C1QTNF8: variants seen among roughly 807,000 people sequenced by gnomAD.
C1QTNF8 encodes the protein complement C1q tumor necrosis factor-related protein 8.
C1QTNF8 carries 27 observed loss-of-function variants against 19.2 expected under a neutral mutation model. That is an observed-to-expected ratio of 1.41 (90% CI 1.04 to 1.94). The LOEUF is 1.94. Ranked by LOEUF, C1QTNF8 falls within the 30% of genes most tolerant of loss-of-function variation. The pLI, the probability that C1QTNF8 is intolerant of heterozygous loss-of-function variation, is 0.00. For synonymous variants in C1QTNF8, 208 were observed against 172.8 expected, an observed-to-expected ratio of 1.20 and a Z score of -1.60; for missense variants, 484 against 374.4, an observed-to-expected ratio of 1.29 and a Z score of -2.42.
chr16:1,094,963 A>AG (rs1264965955), intron 2 of C1QTNF8, 30 bp from the exon 3 acceptor site: 272 of 1,019,612 alleles, frequency 2.7e-4, no homozygotes, highest in Non-Finnish European at 3.4e-4. Context: ...GGAGGGACTG[A>AG]GAAGGAGGTG....
intron 4 of C1QTNF8, among the ~76,000 whole-genome samples, 174 bp from the exon 5 acceptor site, chr16:1,090,768 C>A (rs999733842): frequency 4.6e-5 from 7 of 152,208 alleles, no homozygotes; most frequent in African/African-American, 1.7e-4. Context: ...CAGGCCTGGC[C>A]CAGTGGTGGG....
At position 1,093,662 on chromosome 16, in the gene C1QTNF8, T is replaced by C. The variant is rs1344402242; in HGVS notation, c.598A>G (p.Ser200Gly). 3 of 1,609,398 alleles carry C rather than the reference T, an allele frequency of 1.9e-6. No individual in the cohort carries two copies. Among genetic ancestry groups the C allele is most frequent in the East Asian group, 4.5e-5 (2 of 44,818 alleles). The change falls in exon 4 of 5, where the codon AGC becomes GGC. Residue 200 changes from serine (S) to glycine (G), a missense_variant. Ser to Gly is a moderately conservative substitution (Grantham distance 56, BLOSUM62 0). Coordinates refer to ENST00000328449, the MANE Select transcript of C1QTNF8 (RefSeq NM_207419.3). ...AVLYAQPSERSVMQAQSLMLL... is the reference protein window; with the variant it reads ...AVLYAQPSERGVMQAQSLMLL... ...ATCAGGCTCTGGGCCTGCATGACGC[T>C]GCGCTCGCTGGGCTGCGCGTAGAGC... is the stretch of plus-strand genomic sequence containing the variant.
At position 1,092,350 on chromosome 16, in the gene C1QTNF8, T is replaced by C. The variant is rs1023538088; in HGVS notation, c.*4+1147A>G. 1.1e-4 allele frequency among the ~76,000 whole-genome samples: 17 copies of C among 150,964 alleles called. 1 individual carries two copies. Among genetic ancestry groups the C allele is most frequent in the African/African-American group, 3.9e-4 (16 of 40,808 alleles). ...ATCAATCCCTGCACACAGTCGGCGC[T>C]CAATCAATCCCTGCACACAGTCGGG... On this transcript the variant is annotated intron_variant, in intron 4 of 4. Coordinates refer to ENST00000328449, the MANE Select transcript of C1QTNF8 (RefSeq NM_207419.3).
chr16:1,093,680 C>T lies in C1QTNF8; in HGVS notation c.580G>A (p.Ala194Thr), dbSNP rs770269306. ...LNRRPAAVLY[A>T]QPSERSVMQA... Reference sequence around the variant, plus strand: ...ATGACGCTGCGCTCGCTGGGCTGCGCGTAGAGCACGGCCGCGGGCCGCCGG... The same window carrying T: ...ATGACGCTGCGCTCGCTGGGCTGCGTGTAGAGCACGGCCGCGGGCCGCCGG... Residue 194 changes from alanine (A) to threonine (T), a missense_variant, in exon 4 of 5, where the codon GCG becomes ACG. By Grantham distance (58) the Ala-to-Thr change is moderately conservative. Transcript: ENST00000328449. 1.2e-6 allele frequency: 2 copies of T among 1,610,680 alleles called. No homozygotes were observed. The highest frequency in any genetic ancestry group is 1.3e-5 in the African/African-American group (1 of 74,978).
At position 1,093,588 on chromosome 16, in the gene C1QTNF8, G is replaced by C; in HGVS notation, c.672C>G (p.Arg224=). The part of the protein sequence containing the change: ...GDAVWVRMFQ[R]DRDNAIYGEH... ...CGCCGTAGATGGCGTTGTCCCGGTC[G>C]CGCTGGAACATGCGCACCCAGACGG... The change falls in exon 4 of 5, where the codon CGC becomes CGG. Residue 224 remains arginine, a synonymous_variant. Transcript: ENST00000328449. 6 of 1,600,654 alleles carry C rather than the reference G, an allele frequency of 3.7e-6. No homozygotes were observed. In the Middle Eastern group the frequency reaches 8.5e-4, roughly 228 times the overall value.
Position 1,089,202 on chromosome 16 carries a change from G to A in C1QTNF8, c.*1397C>T, listed in dbSNP as rs190971273. ...GTCCTCCCTGGCCCTGGGGTGGTCC[G>A]GACCCCTGGCTCCCATCTCCCATCC... On this transcript the variant is annotated 3_prime_UTR_variant, in exon 5 of 5. Transcript: ENST00000328449. 2.1e-3 allele frequency among the ~76,000 whole-genome samples: 323 copies of A among 152,148 alleles called. 2 individuals carry two copies. The highest frequency in any genetic ancestry group is 6.4e-3 in the African/African-American group (267 of 41,502).
In C1QTNF8 at chr16:1,093,590, G is replaced by T. The variant is rs755485111; in HGVS notation, c.670C>A (p.Arg224Ser). 1.2e-6 allele frequency: 2 copies of T among 1,600,718 alleles called. No individual in the cohort carries two copies. Among genetic ancestry groups the T allele is most frequent in the South Asian group, 2.2e-5 (2 of 89,882 alleles). ...CCGTAGATGGCGTTGTCCCGGTCGCGCTGGAACATGCGCACCCAGACGGCG... is the reference window on the plus strand; with the variant it reads ...CCGTAGATGGCGTTGTCCCGGTCGCTCTGGAACATGCGCACCCAGACGGCG... The part of the protein sequence containing the change: ...GDAVWVRMFQ[R>S]DRDNAIYGEH... Residue 224 changes from arginine to serine, a missense_variant, in exon 4 of 5, where the codon CGC (arginine) becomes AGC (serine). By Grantham distance (110) the Arg-to-Ser change is moderately radical. Transcript: ENST00000328449.
rs1298842613 is a variant in C1QTNF8, at chr16:1,096,205, C to G, written c.-235G>C. 6.6e-6 allele frequency: 1 copy of G among 152,420 alleles called. No individual in the cohort carries two copies. The allele number at this position is 152,420 out of a possible 1,614,324, so 9.4% of individuals were successfully genotyped here. ...CCCAGCAACCCAGCCGTCAAAGAGC[C>G]CTTTCATGCCCGCCTGGGCGCCCGT... is the stretch of plus-strand genomic sequence containing the variant. On this transcript the variant is annotated 5_prime_UTR_variant, in exon 1 of 5. Transcript: ENST00000328449.
chr16:1,093,239 T>G (rs1471575348), intron 4 of C1QTNF8, among the ~76,000 whole-genome samples: 1 of 145,186 alleles, frequency 6.9e-6, no homozygotes, highest in East Asian at 2.0e-4. Context: ...CAGCACACAG[T>G]CGGCGCTCAA....
rs886404284 is a variant in C1QTNF8, at chr16:1,088,405, C to T, written c.*2194G>A. On this transcript the variant is annotated 3_prime_UTR_variant, in exon 5 of 5. Transcript: ENST00000328449. ...GATTAAAGCCAGCACGGGCCGACCA[C>T]GGGGGTGCCCGGTGCGGTTCTGATG... Among the ~76,000 whole-genome samples, 2 of 152,162 alleles carry T rather than the reference C, an allele frequency of 1.3e-5. No homozygotes were observed.
chr16:1,091,029 G>A (rs1596242468), intron 4 of C1QTNF8, among the ~76,000 whole-genome samples: 1 of 152,194 alleles, frequency 6.6e-6, no homozygotes, highest in East Asian at 1.9e-4. Context: ...CAGCTGCTCA[G>A]AGATTGGTCA....
At position 1,093,834 on chromosome 16, in the gene C1QTNF8, C is replaced by A; in HGVS notation, c.426G>T (p.Leu142=). 6.2e-7 allele frequency: 1 copy of A among 1,608,262 alleles called. No individual in the cohort carries two copies. The highest frequency in any genetic ancestry group is 8.5e-7 in the Non-Finnish European group (1 of 1,179,396). The change falls in exon 4 of 5, where the codon CTG becomes CTT. Residue 142 remains leucine (L), a synonymous_variant. Coordinates refer to ENST00000328449, the MANE Select transcript of C1QTNF8 (RefSeq NM_207419.3). ...HFQAVPFDTE[L]VNLDGAFDLA... ...GGTCGAAGGCGCCGTCCAGGTTCACCAGCTCCGTGTCGAAGGGCACCGCCT... is the reference window on the plus strand; with the variant it reads ...GGTCGAAGGCGCCGTCCAGGTTCACAAGCTCCGTGTCGAAGGGCACCGCCT...
At chr16:1,092,487 C>T (rs28526595) in intron 4 of C1QTNF8, among the ~76,000 whole-genome samples, 11,909 of 140,842 alleles carry the variant, frequency 0.085, 211 homozygotes, top group African/African-American at 0.24. Flanking sequence ...ACACAGTCGG[C>T]ACTCAACCAA....
intron 4 of C1QTNF8, among the ~76,000 whole-genome samples, chr16:1,091,668 G>C (rs1255750882): frequency 1.3e-5 from 2 of 152,162 alleles, no homozygotes; most frequent in South Asian, 2.1e-4. Context: ...CTAAGCATAA[G>C]GCAACTCCGT....
At chr16:1,090,813 G>A (rs1055376863) in intron 4 of C1QTNF8, among the ~76,000 whole-genome samples, 1 of 152,214 alleles carries the variant, frequency 6.6e-6, no homozygotes, top group African/African-American at 2.4e-5. Flanking sequence ...TCAGGCTGGG[G>A]CCCCACAGCA....
In C1QTNF8 at chr16:1,093,966, G is replaced by A. The variant is rs1960629942; in HGVS notation, c.294C>T (p.Arg98=). Reference sequence around the variant, plus strand: ...GCCCCACCTGCCCCTTCTGGCCTCTGCGGCCCTGCAGGCCCCGGGCGCCTG... The same window carrying A: ...GCCCCACCTGCCCCTTCTGGCCTCTACGGCCCTGCAGGCCCCGGGCGCCTG... ...GPPGARGLQG[R]RGQKGQVGPP... Residue 98 remains arginine (R), a synonymous_variant, in exon 4 of 5, where the codon CGC becomes CGT. Coordinates refer to ENST00000328449, the MANE Select transcript of C1QTNF8 (RefSeq NM_207419.3). 1.3e-6 allele frequency: 2 copies of A among 1,483,140 alleles called. No individual in the cohort carries two copies. The highest frequency in any genetic ancestry group is 1.3e-5 in the South Asian group (1 of 75,300). 91.9% of individuals were successfully genotyped at this position (1,483,140 alleles called of 1,614,324 possible).
At chr16:1,092,361 C>T (rs944079072) in intron 4 of C1QTNF8, among the ~76,000 whole-genome samples, 4 of 149,404 alleles carry the variant, frequency 2.7e-5, no homozygotes, top group Non-Finnish European at 4.4e-5. Context: ...CAATCAATCC[C>T]TGCACACAGT....
intron 4 of C1QTNF8, among the ~76,000 whole-genome samples, chr16:1,092,439 C>G (rs111448848): frequency 1.3e-5 from 2 of 149,810 alleles, no homozygotes; most frequent in African/African-American, 5.0e-5. Context: ...GGCACTCAAC[C>G]AATCACAGCA....
intron 4 of C1QTNF8, among the ~76,000 whole-genome samples, chr16:1,090,884 A>G (rs888732018): frequency 2.6e-5 from 4 of 152,218 alleles, no homozygotes; most frequent in Admixed American, 2.6e-4. Context: ...CCAGATGGAC[A>G]GACAAGGTCC....
Sources: allele counts gnomAD v4.1 joint callset (sites outside exome capture counted in the v4.1 genomes callset), GRCh38; gene constraint gnomAD v4.1.1; transcripts MANE v1.5; gene names NCBI Gene and HGNC (gene_info 2026-07-23, HGNC 2026-07-21).